DUSP16: variants seen among roughly 807,000 people sequenced by gnomAD.
DUSP16 encodes dual specificity phosphatase 16, also known as dual specificity protein phosphatase 16.
DUSP16 carries 21 observed loss-of-function variants against 58.3 expected under a neutral mutation model. That is an observed-to-expected ratio of 0.36 (90% CI 0.26 to 0.52). DUSP16 has a LOEUF of 0.52. Among genes scored for constraint, DUSP16 ranks in the 20% least tolerant of loss-of-function variants. The pLI, the probability that DUSP16 is intolerant of heterozygous loss-of-function variation, is 0.94. For synonymous variants in DUSP16, 320 were observed against 323.8 expected (o/e 0.99, Z 0.12); for missense variants, 726 against 819.0 (o/e 0.89, Z 1.39).
chr12:12,516,299 C>T (rs1336221604), intron 3 of DUSP16, among the ~76,000 whole-genome samples: 1 of 152,118 alleles, frequency 6.6e-6, no homozygotes, highest in Non-Finnish European at 1.5e-5. Flanking sequence ...ACCACCACAC[C>T]CAGCTGCTAC....
In DUSP16 at chr12:12,475,134, A is replaced by G. The variant is rs1045061057; in HGVS notation, c.*1699T>C. The G allele has an allele frequency of 1.3e-5, 2 of 152,152 alleles. No individual in the cohort carries two copies. The highest frequency in any genetic ancestry group is 4.8e-5 in the African/African-American group (2 of 41,408). The allele number at this position is 152,152 out of a possible 1,614,324, so 9.4% of individuals were successfully genotyped here. A position where few individuals can be genotyped will look rare whatever the true frequency, so the allele number is the denominator to read the frequency against. ...CATGAAGTCACATCCTGGTCAAAAA[A>G]CTGTCCATTTCTCAAAAACAGAGAA... On this transcript the variant is annotated 3_prime_UTR_variant, in exon 7 of 7. Coordinates refer to ENST00000298573, the MANE Select transcript of DUSP16 (RefSeq NM_030640.3).
At chr12:12,547,426 A>C (rs960914548) in intron 1 of DUSP16, among the ~76,000 whole-genome samples, 1 of 142,700 alleles carries the variant, frequency 7.0e-6, no homozygotes, top group Non-Finnish European at 1.5e-5. Flanking sequence ...ACTTGGTCTC[A>C]AAACAAACAA....
Position 12,480,288 on chromosome 12 carries a change from G to T in DUSP16, c.750C>A (p.Arg250=). The T allele has an allele frequency of 6.2e-7, 1 of 1,614,192 alleles. No individual in the cohort carries two copies. Among genetic ancestry groups the T allele is most frequent in the Non-Finnish European group, 8.5e-7 (1 of 1,180,026 alleles). ...TGTAGGCGATAGCGATGGTGGCGGA[G>T]CGGGAGATCCCAGCTAAACAGTGCA... ...VLVHCLAGIS[R]SATIAIAYIM... The change falls in exon 6 of 7, where the codon CGC becomes CGA. Residue 250 remains arginine (R), a synonymous_variant. Coordinates refer to ENST00000298573, the MANE Select transcript of DUSP16 (RefSeq NM_030640.3).
Position 12,509,519 on chromosome 12 carries a change from C to T in DUSP16, c.368-8837G>A, listed in dbSNP as rs182141258. Among the ~76,000 whole-genome samples the T allele has an allele frequency of 1.5e-3, 223 of 151,978 alleles. 1 individual carries two copies. In the South Asian group the frequency reaches 0.016, roughly 11 times the overall value. On this transcript the variant is annotated intron_variant, in intron 3 of 6. Coordinates refer to ENST00000298573, the MANE Select transcript of DUSP16 (RefSeq NM_030640.3). ...AAACAAACTTCCTTGAGCAGCGTAT[C>T]TAGACATGGTCCAGCTTAGAGGCTC...
At chr12:12,500,910 A>G (rs1458777436) in intron 3 of DUSP16, among the ~76,000 whole-genome samples, 1 of 152,160 alleles carries the variant, frequency 6.6e-6, no homozygotes, top group Non-Finnish European at 1.5e-5. Context: ...CTTATAATGA[A>G]TGACTCCTCT....
At position 12,521,467 on chromosome 12, in the gene DUSP16, C is replaced by A. The variant is rs150288888; in HGVS notation, c.-365-4G>T. 6 of 1,057,232 alleles carry A rather than the reference C, an allele frequency of 5.7e-6. No homozygotes were observed. The highest frequency in any genetic ancestry group is 6.9e-6 in the Non-Finnish European group (6 of 872,934). The allele number at this position is 1,057,232 out of a possible 1,614,324, so 65.5% of individuals were successfully genotyped here. Reference sequence around the variant, plus strand: ...AGCTTTACACTGGACTGAAAGCCTACGCGGAGAGAGAAAGACAGAAAACAA... The same window carrying A: ...AGCTTTACACTGGACTGAAAGCCTAAGCGGAGAGAGAAAGACAGAAAACAA... On this transcript the variant is annotated splice_region_variant and splice_polypyrimidine_tract_variant and intron_variant, in intron 1 of 6. Coordinates refer to ENST00000298573, the MANE Select transcript of DUSP16 (RefSeq NM_030640.3).
At chr12:12,503,277 G>A (rs1275688939) in intron 3 of DUSP16, among the ~76,000 whole-genome samples, 1 of 143,644 alleles carries the variant, frequency 7.0e-6, no homozygotes, top group Non-Finnish European at 1.5e-5. Context: ...CCAGGCTAGA[G>A]TGCAGTGGCG....
chr12:12,557,226 C>T (rs747882615), intron 1 of DUSP16, among the ~76,000 whole-genome samples: 5 of 151,916 alleles, frequency 3.3e-5, no homozygotes, highest in Non-Finnish European at 7.4e-5. Context: ...GAGGCCAAGG[C>T]GGGTGGAACA....
chr12:12,544,393 G>A (rs1159551911), intron 1 of DUSP16, among the ~76,000 whole-genome samples: 2 of 152,182 alleles, frequency 1.3e-5, no homozygotes, highest in Non-Finnish European at 2.9e-5. Context: ...CCAGCTTGGA[G>A]TTATTATGAA....
rs147514102 is a variant in DUSP16 at position 12,545,313 on chromosome 12, G to A, written c.-366+16804C>T. 2.2e-3 allele frequency among the ~76,000 whole-genome samples: 329 copies of A among 152,280 alleles called. 6 individuals are homozygous for A. The East Asian group carries it at 0.057, about 27-fold the overall frequency. ...CTCGCTCTGTCACCCAGGCTGGAGT[G>A]CAGTGGCATGATCTCAGCTCACTGA... On this transcript the variant is annotated intron_variant, in intron 1 of 6. Transcript: ENST00000298573.
intron 4 of DUSP16, among the ~76,000 whole-genome samples, chr12:12,488,691 A>G (rs534283966): frequency 6.6e-6 from 1 of 152,216 alleles, no homozygotes; most frequent in Admixed American, 6.5e-5. Context: ...AAAATGGGCA[A>G]TTTTCTTCCT....
At chr12:12,554,074 G>A (rs1444115240) in intron 1 of DUSP16, among the ~76,000 whole-genome samples, 2 of 151,494 alleles carry the variant, frequency 1.3e-5, no homozygotes, top group Non-Finnish European at 2.9e-5. Context: ...GTGCACGCCT[G>A]TAATCCCAGC....
chr12:12,531,639 G>A (rs1021055148), intron 1 of DUSP16, among the ~76,000 whole-genome samples: 7 of 152,262 alleles, frequency 4.6e-5, no homozygotes, highest in African/African-American at 7.2e-5. Context: ...GGGAGGCCGA[G>A]GTGGGTGGAT....
chr12:12,520,596 T>C (rs1566019804), intron 2 of DUSP16, among the ~76,000 whole-genome samples: 1 of 152,100 alleles, frequency 6.6e-6, no homozygotes, highest in Non-Finnish European at 1.5e-5. Flanking sequence ...GCAGATAATA[T>C]AGAATAGTGT....
chr12:12,546,335 C>A (rs970930779), intron 1 of DUSP16, among the ~76,000 whole-genome samples: 1 of 152,088 alleles, frequency 6.6e-6, no homozygotes, highest in Non-Finnish European at 1.5e-5. Flanking sequence ...GATAAGTAGC[C>A]CCAAAGGGCC....
At chr12:12,531,559 C>G (rs1224165428) in intron 1 of DUSP16, among the ~76,000 whole-genome samples, 1 of 152,078 alleles carries the variant, frequency 6.6e-6, no homozygotes, top group Admixed American at 6.5e-5. Flanking sequence ...ACATGTTAAG[C>G]AAGACATATG....
At chr12:12,514,593 G>A (rs879355332) in intron 3 of DUSP16, among the ~76,000 whole-genome samples, 1 of 152,146 alleles carries the variant, frequency 6.6e-6, no homozygotes, top group Admixed American at 6.5e-5. Context: ...TACATCTGCA[G>A]GAGAAAAAAC....
chr12:12,516,530 T>G (rs1042521858), intron 3 of DUSP16, among the ~76,000 whole-genome samples: 1 of 152,242 alleles, frequency 6.6e-6, no homozygotes, highest in South Asian at 2.1e-4. Flanking sequence ...TTATCAAATA[T>G]CAGTATTTAA....
At position 12,562,289 on chromosome 12, in the gene DUSP16, A is replaced by G. The variant is rs1944917754; in HGVS notation, c.-538T>C. ...TCGCTCTCCTCCTCCTCTTCTTTTCAGTATATTATCTTCTCCTTCTCTGAG... is the reference window on the plus strand; with the variant it reads ...TCGCTCTCCTCCTCCTCTTCTTTTCGGTATATTATCTTCTCCTTCTCTGAG... On this transcript the variant is annotated 5_prime_UTR_variant, in exon 1 of 7. Transcript: ENST00000298573. 7.2e-6 allele frequency: 1 copy of G among 138,572 alleles called. No homozygotes were observed. Among genetic ancestry groups the G allele is most frequent in the Admixed American group, 7.1e-5 (1 of 14,138 alleles). 8.6% of individuals were successfully genotyped at this position (138,572 alleles called of 1,614,324 possible). A position where few individuals can be genotyped will look rare whatever the true frequency, so the allele number is the denominator to read the frequency against.
Sources: gnomAD v4.1 joint callset for allele counts (sites outside exome capture counted in the v4.1 genomes callset) on GRCh38, gnomAD v4.1.1 for gene constraint, MANE v1.5 for transcripts, NCBI Gene and HGNC (gene_info 2026-07-23, HGNC 2026-07-21) for gene names.